MDGA2: variants seen among roughly 807,000 people sequenced by gnomAD.
MDGA2 encodes MAM domain containing glycosylphosphatidylinositol anchor 2.
MDGA2 carries 40 observed loss-of-function variants against 117.8 expected under a neutral mutation model. The ratio of observed to expected loss-of-function variants is 0.34; its 90% confidence interval spans 0.26 to 0.44. MDGA2 has a LOEUF of 0.44. Among genes scored for constraint, MDGA2 ranks in the 20% least tolerant of loss-of-function variants. The pLI is 1.00. For synonymous variants in MDGA2, 452 were observed against 439.0 expected (o/e 1.03, Z -0.37); for missense variants, 1,123 against 1,250.6 (o/e 0.90, Z 1.54).
At chr14:47,056,501 A>G (rs1889679923) in intron 7 of MDGA2, among the ~76,000 whole-genome samples, 1 of 152,158 alleles carries the variant, frequency 6.6e-6, no homozygotes, top group African/African-American at 2.4e-5. Flanking sequence ...AACAAGGTAG[A>G]AAAAAGATCA....
At chr14:47,311,339 A>G (rs1160220612) in intron 1 of MDGA2, among the ~76,000 whole-genome samples, 1 of 152,182 alleles carries the variant, frequency 6.6e-6, no homozygotes, top group Non-Finnish European at 1.5e-5. Context: ...GAAATATGAC[A>G]ACAATGAAAA....
At chr14:47,123,587 C>A (rs1161820499) in intron 5 of MDGA2, among the ~76,000 whole-genome samples, 2 of 151,902 alleles carry the variant, frequency 1.3e-5, no homozygotes, top group Middle Eastern at 3.2e-3. Flanking sequence ...CCTAATAAAC[C>A]ATTATCAATT....
intron 1 of MDGA2, among the ~76,000 whole-genome samples, chr14:47,303,170 T>A (rs1365805540): frequency 2.0e-5 from 3 of 152,164 alleles, no homozygotes; most frequent in Admixed American, 6.6e-5. Flanking sequence ...TCTGCATTTT[T>A]ACCAAACACT....
intron 1 of MDGA2, among the ~76,000 whole-genome samples, chr14:47,486,951 A>G (rs936237441): frequency 2.6e-5 from 4 of 152,242 alleles, no homozygotes; most frequent in Non-Finnish European, 4.4e-5. Flanking sequence ...CAGCAAATTA[A>G]TACTGTGGGT....
At chr14:47,170,089 T>C (rs568300118) in intron 3 of MDGA2, among the ~76,000 whole-genome samples, 20 of 152,254 alleles carry the variant, frequency 1.3e-4, no homozygotes, top group African/African-American at 2.9e-4. Flanking sequence ...CTGGAGTTCA[T>C]ACATGAACAC....
intron 3 of MDGA2, among the ~76,000 whole-genome samples, chr14:47,181,748 T>A (rs559518846): frequency 6.6e-6 from 1 of 152,340 alleles, no homozygotes; most frequent in Non-Finnish European, 1.5e-5. Context: ...TCCTGATTTC[T>A]ATTTTCATAT....
intron 9 of MDGA2, among the ~76,000 whole-genome samples, chr14:46,945,604 T>C (rs1885145220): frequency 1.3e-5 from 2 of 152,056 alleles, no homozygotes; most frequent in Admixed American, 1.3e-4. Flanking sequence ...GTCCTGCAGA[T>C]AGATGCTTTT....
At chr14:46,869,073 T>C (rs1448350832) in intron 14 of MDGA2, among the ~76,000 whole-genome samples, 1 of 151,884 alleles carries the variant, frequency 6.6e-6, no homozygotes, top group African/African-American at 2.4e-5. Context: ...CCTTCTACAA[T>C]CCCACATCTC....
At chr14:47,609,240 T>C (rs1274199637) in intron 1 of MDGA2, among the ~76,000 whole-genome samples, 1 of 150,634 alleles carries the variant, frequency 6.6e-6, no homozygotes, top group African/African-American at 2.4e-5. Flanking sequence ...GTCCCCAAAG[T>C]TCATTGTATT....
chr14:46,974,913 G>A (rs1886399148), intron 8 of MDGA2, among the ~76,000 whole-genome samples: 1 of 151,828 alleles, frequency 6.6e-6, no homozygotes, highest in Non-Finnish European at 1.5e-5. Flanking sequence ...GAGTAAAAAT[G>A]TAACCCACAG....
intron 8 of MDGA2, among the ~76,000 whole-genome samples, chr14:46,973,594 G>T (rs1886347291): frequency 6.6e-6 from 1 of 152,072 alleles, no homozygotes; most frequent in Non-Finnish European, 1.5e-5. Flanking sequence ...AATGAATGGA[G>T]ATTTAGAATA....
rs1329655491 is a variant in MDGA2, at chr14:46,897,190, CATACTT to C, written c.2239-14975_2239-14970del. Among the ~76,000 whole-genome samples the C allele has an allele frequency of 2.0e-5, 3 of 152,238 alleles. No individual in the cohort carries two copies. In the South Asian group the frequency reaches 6.2e-4, roughly 32 times the overall value. Reference sequence around the variant, plus strand: ...TATTTAGATTATTGTTCTCTACTAACATACTTATATTTACTAAGCATCTAATCTAGT... The same window carrying C: ...TATTTAGATTATTGTTCTCTACTAACATATTTACTAAGCATCTAATCTAGT... On this transcript the variant is annotated intron_variant, in intron 10 of 16. Coordinates refer to ENST00000399232, the MANE Select transcript of MDGA2 (RefSeq NM_001113498.3).
chr14:46,971,461 A>G (rs1441898176), intron 8 of MDGA2, among the ~76,000 whole-genome samples: 1 of 152,162 alleles, frequency 6.6e-6, no homozygotes, highest in Non-Finnish European at 1.5e-5. Context: ...AGTCACAGAA[A>G]GACAAATACC....
intron 1 of MDGA2, among the ~76,000 whole-genome samples, chr14:47,363,039 G>A (rs1891157314): frequency 6.6e-6 from 1 of 152,112 alleles, no homozygotes; most frequent in Non-Finnish European, 1.5e-5. Context: ...TGCAAAAGCA[G>A]CCTCTTTTCT....
chr14:47,585,784 T>A (rs961719355), intron 1 of MDGA2, among the ~76,000 whole-genome samples: 2 of 151,956 alleles, frequency 1.3e-5, no homozygotes, highest in Admixed American at 6.6e-5. Context: ...TTCCTAATAT[T>A]CCTATGTACA....
At chr14:47,429,294 A>T (rs961202833) in intron 1 of MDGA2, among the ~76,000 whole-genome samples, 2 of 152,006 alleles carry the variant, frequency 1.3e-5, no homozygotes, top group Non-Finnish European at 2.9e-5. Flanking sequence ...ATATATATAC[A>T]CACATATATA....
At chr14:47,223,720 A>G (rs927859760) in intron 2 of MDGA2, among the ~76,000 whole-genome samples, 1 of 152,122 alleles carries the variant, frequency 6.6e-6, no homozygotes, top group Non-Finnish European at 1.5e-5. Context: ...CAGATATGCT[A>G]TTGTATTAGT....
intron 7 of MDGA2, among the ~76,000 whole-genome samples, chr14:47,039,252 A>C (rs1005148634): frequency 1.3e-5 from 2 of 152,202 alleles, no homozygotes; most frequent in South Asian, 4.1e-4. Flanking sequence ...AAGTCTTTCA[A>C]GCCTAAGCAC....
chr14:47,585,464 A>G (rs895116427), intron 1 of MDGA2, among the ~76,000 whole-genome samples: 1 of 152,092 alleles, frequency 6.6e-6, no homozygotes. Context: ...ATAACAATAC[A>G]CATTTCGGAA....
Sources: allele counts gnomAD v4.1 joint callset (sites outside exome capture counted in the v4.1 genomes callset), GRCh38; gene constraint gnomAD v4.1.1; transcripts MANE v1.5; gene names NCBI Gene and HGNC (gene_info 2026-07-23, HGNC 2026-07-21).